Variants in PIK3CB observed in about 807,000 individuals in gnomAD.
The protein encoded by PIK3CB is phosphatidylinositol 4,5-bisphosphate 3-kinase catalytic subunit beta isoform.
A neutral mutation model predicts 136.8 loss-of-function variants in PIK3CB; 39 were observed. The ratio of observed to expected loss-of-function variants is 0.29; its 90% CI spans 0.22 to 0.37. PIK3CB has a LOEUF of 0.37. PIK3CB is among the 10% of genes least tolerant of loss of function. The pLI, the probability that PIK3CB is intolerant of heterozygous loss-of-function variation, is 1.00. For synonymous variants in PIK3CB, 428 were observed against 436.6 expected (o/e 0.98, Z 0.25); for missense variants, 868 against 1,275.4 (o/e 0.68, Z 4.87).
intron 16 of PIK3CB, 58 bp from the exon 17 acceptor site, chr3:138,684,861 T>C (rs2043851014): frequency 8.0e-7 from 1 of 1,246,012 alleles, no homozygotes; most frequent in Non-Finnish European, 1.1e-6. Flanking sequence ...TATAATATCA[T>C]GTGATCATAT....
intron 15 of PIK3CB, among the ~76,000 whole-genome samples, 161 bp downstream of exon 15, chr3:138,690,839 G>C (rs1489034547): frequency 6.6e-6 from 1 of 151,628 alleles, no homozygotes; most frequent in African/African-American, 2.4e-5. Context: ...TAAAAATCAA[G>C]AGTGCTGGTA....
intron 19 of PIK3CB, among the ~76,000 whole-genome samples, chr3:138,674,929 G>A (rs11922135): frequency 3.0e-4 from 45 of 152,112 alleles, no homozygotes; most frequent in African/African-American, 9.4e-4. Context: ...TGTAGTGGCC[G>A]CTTGTCATTA....
intron 2 of PIK3CB, among the ~76,000 whole-genome samples, chr3:138,770,736 A>C (rs2045788940): frequency 6.6e-6 from 1 of 152,064 alleles, no homozygotes; most frequent in African/African-American, 2.4e-5. Flanking sequence ...TTTTGAGACT[A>C]AGTCTTGCTC....
chr3:138,812,045 C>T (rs989890488), intron 1 of PIK3CB, among the ~76,000 whole-genome samples: 7 of 151,962 alleles, frequency 4.6e-5, no homozygotes, highest in African/African-American at 1.5e-4. Flanking sequence ...GAGTTATGAT[C>T]GTACCACTAT....
intron 8 of PIK3CB, among the ~76,000 whole-genome samples, chr3:138,716,033 T>C (rs552999778): frequency 1.0e-3 from 155 of 152,272 alleles, no homozygotes; most frequent in Non-Finnish European, 1.9e-3. Context: ...ATTCTACTTT[T>C]GTGTATATTT....
At chr3:138,670,148 A>G (rs933120384) in intron 19 of PIK3CB, among the ~76,000 whole-genome samples, 2 of 152,220 alleles carry the variant, frequency 1.3e-5, no homozygotes, top group South Asian at 2.1e-4. Flanking sequence ...TGAGGTCACA[A>G]TGAACTTCAT....
chr3:138,654,626 T>C lies in PIK3CB; in HGVS notation c.*763A>G, dbSNP rs1010195036. 5 of 226,800 alleles carry C rather than the reference T, an allele frequency of 2.2e-5. No individual in the cohort carries two copies. In the East Asian group the frequency reaches 2.5e-4, roughly 12 times the overall value. The allele number at this position is 226,800 out of a possible 1,614,324, so 14.0% of individuals were successfully genotyped here. On this transcript the variant is annotated 3_prime_UTR_variant, in exon 24 of 24. Coordinates refer to ENST00000674063, the MANE Select transcript of PIK3CB (RefSeq NM_006219.3). ...CAGCTGGAAGAACTGGATCACACAG[T>C]TACCTAACTGAAAAGTAACTTAGGA...
intron 18 of PIK3CB, among the ~76,000 whole-genome samples, chr3:138,682,890 T>C (rs1166786292): frequency 2.0e-5 from 3 of 152,196 alleles, no homozygotes; most frequent in Non-Finnish European, 4.4e-5. Context: ...TGTGCCTTGT[T>C]TGTAGTCACA....
intron 1 of PIK3CB, chr3:138,825,964 T>C: frequency 1.3e-6 from 2 of 1,560,246 alleles, no homozygotes. Context: ...CTGGCTTCAC[T>C]GCTCAAGTGA....
At chr3:138,773,406 A>G (rs888316892) in intron 2 of PIK3CB, among the ~76,000 whole-genome samples, 10 of 152,130 alleles carry the variant, frequency 6.6e-5, no homozygotes, top group Admixed American at 6.5e-4. Flanking sequence ...GAAAAAAAAA[A>G]GTATAAAGAT....
chr3:138,817,228 C>G (rs1933377195), intron 1 of PIK3CB, among the ~76,000 whole-genome samples: 1 of 152,202 alleles, frequency 6.6e-6, no homozygotes, highest in African/African-American at 2.4e-5. Context: ...GTCCCAGCTA[C>G]TCAGGAGGCT....
intron 2 of PIK3CB, among the ~76,000 whole-genome samples, chr3:138,779,853 T>C (rs1266331321): frequency 6.6e-6 from 1 of 152,076 alleles, no homozygotes; most frequent in Non-Finnish European, 1.5e-5. Context: ...ATGAGAAATA[T>C]TTTCTTCTAA....
chr3:138,660,615 T>G (rs2043279461), intron 21 of PIK3CB, among the ~76,000 whole-genome samples: 1 of 152,164 alleles, frequency 6.6e-6, no homozygotes, highest in Non-Finnish European at 1.5e-5. Context: ...AGGAATAAGT[T>G]CAACAGATCT....
chr3:138,797,562 G>A (rs2046122914), intron 1 of PIK3CB, among the ~76,000 whole-genome samples: 1 of 152,022 alleles, frequency 6.6e-6, no homozygotes, highest in Non-Finnish European at 1.5e-5. Context: ...TTAAATGAGA[G>A]GAACATTATA....
rs1933467959 is a variant in PIK3CB at position 138,819,509 on chromosome 3, A to G, written c.-122+15186T>C. Among the ~76,000 whole-genome samples the G allele has an allele frequency of 2.6e-5, 4 of 152,210 alleles. No individual in the cohort carries two copies. In the South Asian group the frequency reaches 8.3e-4, roughly 31 times the overall value. ...GAAAACTGAATATTAAAACCATGCC[A>G]TTTTTATATTTTGTTTATGTGTAAA... On this transcript the variant is annotated intron_variant, in intron 1 of 23. Coordinates refer to ENST00000674063, the MANE Select transcript of PIK3CB (RefSeq NM_006219.3).
chr3:138,730,740 T>C (rs774787386), intron 8 of PIK3CB, among the ~76,000 whole-genome samples: 5 of 152,122 alleles, frequency 3.3e-5, no homozygotes, highest in South Asian at 4.1e-4. Context: ...ATTGGCAACA[T>C]AGCAAGACCC....
intron 8 of PIK3CB, among the ~76,000 whole-genome samples, chr3:138,725,550 CA>C (rs1170147473): frequency 6.6e-6 from 1 of 152,150 alleles, no homozygotes; most frequent in African/African-American, 2.4e-5. Context: ...CTCTGTTGTT[CA>C]AACTGGAAAA....
At chr3:138,662,728 A>G (rs1312497385) in intron 21 of PIK3CB, among the ~76,000 whole-genome samples, 2 of 151,908 alleles carry the variant, frequency 1.3e-5, no homozygotes, top group South Asian at 2.1e-4. Flanking sequence ...AGTCCCACCA[A>G]CAATGTAAAA....
intron 21 of PIK3CB, among the ~76,000 whole-genome samples, chr3:138,662,314 A>G (rs1456358439): frequency 6.4e-5 from 8 of 125,458 alleles, no homozygotes; most frequent in Non-Finnish European, 9.4e-5. Flanking sequence ...TCCTGTGTCC[A>G]TGTGTTCTCA....
Sources: gnomAD v4.1 joint callset for allele counts (sites outside exome capture counted in the v4.1 genomes callset) on GRCh38, gnomAD v4.1.1 for gene constraint, MANE v1.5 for transcripts, NCBI Gene and HGNC (gene_info 2026-07-23, HGNC 2026-07-21) for gene names.